Variants in PPP2R2B observed in about 807,000 individuals in gnomAD.
PPP2R2B encodes protein phosphatase 2 regulatory subunit Bbeta.
A neutral mutation model predicts 46.0 loss-of-function variants in PPP2R2B; 5 were observed. The ratio of observed to expected loss-of-function variants is 0.11; its 90% CI spans 0.06 to 0.23. The LOEUF (loss-of-function observed/expected upper bound fraction) is 0.23. PPP2R2B is among the 10% of genes least tolerant of loss of function. PPP2R2B has a pLI of 1.00. For missense variants in PPP2R2B, 367 were observed against 575.0 expected (o/e 0.64, Z 3.70); for synonymous variants, 215 against 206.7 (o/e 1.04, Z -0.34).
At chr5:146,881,843 C>T (rs1762177405), upstream of PPP2R2B, among the ~76,000 whole-genome samples, 1 of 152,160 alleles carries the variant, frequency 6.6e-6, no homozygotes, top group African/African-American at 2.4e-5. Context: ...TCATACCTCC[C>T]CCCTTCTTAA....
At chr5:146,751,524 C>G (rs1239003271) in intron 2 of PPP2R2B, 4 of 152,206 alleles carry the variant, frequency 2.6e-5, no homozygotes, top group Non-Finnish European at 5.9e-5. Flanking sequence ...GACTCAAGGC[C>G]TTTGCATTTT....
At chr5:146,985,075 C>A (rs1034141884) in intron 1 of PPP2R2B, among the ~76,000 whole-genome samples, 14 of 134,640 alleles carry the variant, frequency 1.0e-4, no homozygotes, top group African/African-American at 3.9e-4. Context: ...GGCTGGAGTG[C>A]AGTGGTGTGA....
intron 2 of PPP2R2B, among the ~76,000 whole-genome samples, chr5:146,743,190 G>A (rs1318061355): frequency 6.6e-6 from 1 of 152,134 alleles, no homozygotes; most frequent in Non-Finnish European, 1.5e-5. Context: ...ACAGCCTTTT[G>A]GTCTGAAGAT....
At chr5:146,978,159 C>T (rs1441777554) in intron 1 of PPP2R2B, among the ~76,000 whole-genome samples, 2 of 152,134 alleles carry the variant, frequency 1.3e-5, no homozygotes, top group Admixed American at 6.5e-5. Context: ...TGTTTGTTGG[C>T]CACTTAAATG....
intron 7 of PPP2R2B, among the ~76,000 whole-genome samples, chr5:146,615,546 T>C (rs1773089952): frequency 7.1e-6 from 1 of 141,454 alleles, no homozygotes; most frequent in South Asian, 2.3e-4. Context: ...AAAAAACTAT[T>C]AGAACTGAAA....
At chr5:147,074,666 G>A (rs533486521) in intron 2 of PPP2R2B, among the ~76,000 whole-genome samples, 18 of 152,104 alleles carry the variant, frequency 1.2e-4, no homozygotes, top group African/African-American at 3.6e-4. Flanking sequence ...TTATAATCTC[G>A]AATTTCTTAA....
rs117510817 is a variant in PPP2R2B at position 146,730,992 on chromosome 5, G to A, written c.71-29850C>T. Among the ~76,000 whole-genome samples the A allele has an allele frequency of 3.3e-5, 5 of 152,330 alleles. No homozygotes were observed. The East Asian group carries it at 9.6e-4, about 29-fold the overall frequency. On this transcript the variant is annotated intron_variant, in intron 2 of 9. Transcript: ENST00000394411. ...GGCTCACAGTGGAAAGGGTTAGAGAGGAAGATTCAGCCATGTACGAGGTGT... is the reference window on the plus strand; with the variant it reads ...GGCTCACAGTGGAAAGGGTTAGAGAAGAAGATTCAGCCATGTACGAGGTGT...
At chr5:146,978,455 C>A (rs975767813) in intron 1 of PPP2R2B, among the ~76,000 whole-genome samples, 11 of 152,096 alleles carry the variant, frequency 7.2e-5, no homozygotes, top group African/African-American at 2.4e-4. Flanking sequence ...ATGCTTATAT[C>A]CTGAATGGTA....
At chr5:146,593,195 T>C (rs1581664376) in intron 8 of PPP2R2B, 133 bp from the exon 9 acceptor site, 3 of 795,040 alleles carry the variant, frequency 3.8e-6, no homozygotes, top group East Asian at 5.1e-5. Flanking sequence ...GCCTTGGATC[T>C]GAACCTAGGC....
rs1212236123 is a variant in PPP2R2B, at chr5:146,743,934, C to T, written c.71-42792G>A. 2.0e-5 allele frequency among the ~76,000 whole-genome samples: 3 copies of T among 152,258 alleles called. No homozygotes were observed. In the East Asian group the frequency reaches 5.8e-4, roughly 29 times the overall value. On this transcript the variant is annotated intron_variant, in intron 2 of 9. Transcript: ENST00000394411. ...ATGTGCAAAAGTGGGCCCAACTGAC[C>T]TTATTGATTATTTCCCACTGAGAGA...
chr5:146,935,882 C>T (rs1332398223), intron 1 of PPP2R2B, among the ~76,000 whole-genome samples: 2 of 152,124 alleles, frequency 1.3e-5, no homozygotes, highest in East Asian at 3.9e-4. Flanking sequence ...ATTCCCAGTT[C>T]TCATCTTTCC....
At chr5:146,691,963 T>A (rs867889694) in intron 4 of PPP2R2B, among the ~76,000 whole-genome samples, 16 of 152,348 alleles carry the variant, frequency 1.1e-4, no homozygotes, top group South Asian at 6.2e-4. Context: ...AATGCTGTCC[T>A]CAGAACCATT....
At chr5:146,717,296 A>T (rs893873852) in intron 2 of PPP2R2B, among the ~76,000 whole-genome samples, 1 of 152,110 alleles carries the variant, frequency 6.6e-6, no homozygotes, top group Non-Finnish European at 1.5e-5. Flanking sequence ...ACCTCCAAGG[A>T]CTCTATTTTT....
intron 2 of PPP2R2B, among the ~76,000 whole-genome samples, chr5:146,759,560 A>G (rs1418764050): frequency 1.3e-5 from 2 of 152,136 alleles, no homozygotes; most frequent in Non-Finnish European, 2.9e-5. Flanking sequence ...CTTATCCTCC[A>G]AGACTCTGCT....
intron 2 of PPP2R2B, among the ~76,000 whole-genome samples, chr5:146,789,297 A>G (rs116764544): frequency 0.013 from 1,936 of 152,308 alleles, 38 homozygotes; most frequent in African/African-American, 0.045. Flanking sequence ...GATGTTGGGT[A>G]TGTGACATAA....
chr5:146,907,373 A>G (rs150095620), intron 1 of PPP2R2B, among the ~76,000 whole-genome samples: 1 of 152,242 alleles, frequency 6.6e-6, no homozygotes, highest in East Asian at 1.9e-4. Flanking sequence ...TCTTCAGGAC[A>G]TTGGTTAAAA....
intron 5 of PPP2R2B, among the ~76,000 whole-genome samples, chr5:146,671,600 A>G (rs1305068414): frequency 6.6e-6 from 1 of 152,158 alleles, no homozygotes; most frequent in East Asian, 1.9e-4. Context: ...AATTTATCCC[A>G]TCTAATCCTC....
chr5:146,848,718 C>A (rs187984544), intron 2 of PPP2R2B, among the ~76,000 whole-genome samples: 20 of 152,262 alleles, frequency 1.3e-4, no homozygotes, highest in Non-Finnish European at 2.5e-4. Context: ...CCAAACTGTA[C>A]TCTGCACCCT....
chr5:146,876,145 T>G (rs1485250630), intron 2 of PPP2R2B, among the ~76,000 whole-genome samples: 2 of 152,214 alleles, frequency 1.3e-5, no homozygotes, highest in Non-Finnish European at 2.9e-5. Flanking sequence ...GATTCTCACA[T>G]GCCAGAAATC....
Sources: gnomAD v4.1 joint callset for allele counts (sites outside exome capture counted in the v4.1 genomes callset) on GRCh38, gnomAD v4.1.1 for gene constraint, MANE v1.5 for transcripts, NCBI Gene and HGNC (gene_info 2026-07-23, HGNC 2026-07-21) for gene names.